FOXN3: variants seen among roughly 807,000 people sequenced by gnomAD.
The protein encoded by FOXN3 is forkhead box N3, also known as forkhead box protein N3.
Under a neutral mutation model 38.4 loss-of-function variants are expected in FOXN3, and 7 were observed. The observed-to-expected ratio is 0.18, with a 90% CI of 0.10 to 0.34. FOXN3 has a LOEUF of 0.34. Among genes scored for constraint, FOXN3 ranks in the 10% least tolerant of loss-of-function variants. The probability of loss-of-function intolerance (pLI) is 1.00; values close to 1 mark genes in which losing one functional copy is unlikely to be tolerated. For missense variants in FOXN3, 456 were observed against 613.4 expected, an observed-to-expected ratio of 0.74 and a Z score of 2.71; for synonymous variants, 230 against 242.2, an observed-to-expected ratio of 0.95 and a Z score of 0.47.
At chr14:89,575,646 G>A (rs901741686) in intron 1 of FOXN3, among the ~76,000 whole-genome samples, 1 of 152,112 alleles carries the variant, frequency 6.6e-6, no homozygotes, top group African/African-American at 2.4e-5. Flanking sequence ...GGCCCTTGGA[G>A]GCTGCTTAGG....
At chr14:89,407,091 G>C (rs997477451) in intron 2 of FOXN3, among the ~76,000 whole-genome samples, 24 of 152,152 alleles carry the variant, frequency 1.6e-4, no homozygotes, top group Admixed American at 1.4e-3. Flanking sequence ...TTCCCCAAGA[G>C]GGGGATGACC....
intron 1 of FOXN3, among the ~76,000 whole-genome samples, chr14:89,541,825 G>A (rs1894795169): frequency 6.6e-6 from 1 of 152,042 alleles, no homozygotes; most frequent in Non-Finnish European, 1.5e-5. Context: ...GTACATCCTT[G>A]AGCAAACTTT....
chr14:89,474,150 CTT>C (rs1471470163), intron 1 of FOXN3, among the ~76,000 whole-genome samples: 1 of 152,200 alleles, frequency 6.6e-6, no homozygotes, highest in African/African-American at 2.4e-5. Flanking sequence ...GCCATCATTA[CTT>C]TTTTCACTTA....
chr14:89,593,740 GC>G (rs1436025128), intron 1 of FOXN3, among the ~76,000 whole-genome samples: 1 of 152,168 alleles, frequency 6.6e-6, no homozygotes, highest in African/African-American at 2.4e-5. Flanking sequence ...CTCTCTAGTA[GC>G]TGGGACTACA....
At chr14:89,228,555 G>A (rs545769561) in intron 4 of FOXN3, among the ~76,000 whole-genome samples, 5 of 152,304 alleles carry the variant, frequency 3.3e-5, no homozygotes, top group African/African-American at 7.2e-5. Context: ...TATTCAACTT[G>A]TGTAGAGTGA....
intron 1 of FOXN3, among the ~76,000 whole-genome samples, chr14:89,518,557 C>A (rs1249491289): frequency 6.6e-6 from 1 of 152,146 alleles, no homozygotes; most frequent in African/African-American, 2.4e-5. Flanking sequence ...CCACCTTTGC[C>A]AAGAAAAACT....
At chr14:89,595,508 A>C (rs887446168) in intron 1 of FOXN3, among the ~76,000 whole-genome samples, 39 of 152,178 alleles carry the variant, frequency 2.6e-4, no homozygotes, top group African/African-American at 7.2e-5. Flanking sequence ...ATTAGTGATA[A>C]AGAGAAATAC....
At chr14:89,300,668 T>C (rs1358828969) in intron 3 of FOXN3, among the ~76,000 whole-genome samples, 1 of 152,214 alleles carries the variant, frequency 6.6e-6, no homozygotes, top group Non-Finnish European at 1.5e-5. Context: ...ATGAGAGACA[T>C]AAACACTGAT....
chr14:89,461,981 A>T (rs1892859032), intron 1 of FOXN3, among the ~76,000 whole-genome samples: 1 of 152,216 alleles, frequency 6.6e-6, no homozygotes, highest in Non-Finnish European at 1.5e-5. Context: ...CTTCCACTCC[A>T]GCTAGTAAAA....
chr14:89,255,057 T>C (rs924512846), intron 4 of FOXN3, among the ~76,000 whole-genome samples: 2 of 152,146 alleles, frequency 1.3e-5, no homozygotes, highest in Non-Finnish European at 2.9e-5. Context: ...AGAGGCTAAG[T>C]TCCCAGAGGC....
At chr14:89,468,453 C>G (rs8022126) in intron 1 of FOXN3, among the ~76,000 whole-genome samples, 12,036 of 147,896 alleles carry the variant, frequency 0.081, 533 homozygotes, top group Middle Eastern at 0.12. Flanking sequence ...GGCTGTGTCT[C>G]AAAACACACA....
intron 1 of FOXN3, among the ~76,000 whole-genome samples, chr14:89,518,142 G>A (rs1438797186): frequency 1.3e-5 from 2 of 152,158 alleles, no homozygotes; most frequent in African/African-American, 4.8e-5. Context: ...CTGTCATGCT[G>A]CTGAGCAACA....
intron 3 of FOXN3, among the ~76,000 whole-genome samples, chr14:89,298,829 C>T (rs1224326459): frequency 6.6e-6 from 1 of 152,222 alleles, no homozygotes; most frequent in African/African-American, 2.4e-5. Context: ...CTGCAGCTGC[C>T]TTTGGATGTC....
intron 4 of FOXN3, among the ~76,000 whole-genome samples, chr14:89,182,461 T>C (rs991269020): frequency 2.0e-5 from 3 of 152,206 alleles, no homozygotes; most frequent in African/African-American, 7.2e-5. Flanking sequence ...CAGGGTTCCA[T>C]AATCTCCCCC....
chr14:89,605,189 G>T (rs1352145627), intron 1 of FOXN3, among the ~76,000 whole-genome samples: 3 of 151,946 alleles, frequency 2.0e-5, no homozygotes, highest in African/African-American at 7.3e-5. Flanking sequence ...AAAAAAACAA[G>T]ATAAAACTAA....
intron 1 of FOXN3, among the ~76,000 whole-genome samples, chr14:89,549,449 G>T (rs894652615): frequency 1.4e-4 from 21 of 152,046 alleles, no homozygotes; most frequent in African/African-American, 5.1e-4. Flanking sequence ...AACGACATTC[G>T]AAAACATCCG....
At chr14:89,563,376 A>ATCC (rs1374019163) in intron 1 of FOXN3, among the ~76,000 whole-genome samples, 1 of 152,250 alleles carries the variant, frequency 6.6e-6, no homozygotes, top group African/African-American at 2.4e-5. Flanking sequence ...GGCAGACAGT[A>ATCC]TCCCAGGTGT....
intron 1 of FOXN3, among the ~76,000 whole-genome samples, chr14:89,554,559 T>C (rs1895075275): frequency 6.6e-6 from 1 of 152,212 alleles, no homozygotes; most frequent in Non-Finnish European, 1.5e-5. Flanking sequence ...TGGTAATATC[T>C]GGATATAGTA....
chr14:89,166,285 A>C (rs182720301), intron 5 of FOXN3, among the ~76,000 whole-genome samples: 56 of 152,060 alleles, frequency 3.7e-4, no homozygotes, highest in Non-Finnish European at 4.3e-4. Flanking sequence ...AAAGAGGGGG[A>C]TCCAAATGGA....
Sources: gnomAD v4.1 joint callset for allele counts (sites outside exome capture counted in the v4.1 genomes callset) on GRCh38, gnomAD v4.1.1 for gene constraint, MANE v1.5 for transcripts, NCBI Gene and HGNC (gene_info 2026-07-23, HGNC 2026-07-21) for gene names.